The following MDM2 variants were observed in gnomAD, a reference collection of about 807,000 sequenced individuals.
The protein encoded by MDM2 is MDM2 proto-oncogene.
In MDM2, 11 loss-of-function variants were observed where a neutral mutation model predicts 64.3. The observed-to-expected ratio is 0.17, with a 90% CI of 0.11 to 0.28. The LOEUF (loss-of-function observed/expected upper bound fraction) is 0.28, where lower values mean the gene tolerates loss of function less well. Ranked by LOEUF, MDM2 falls within the 10% of genes least tolerant of loss-of-function variation. MDM2 has a pLI of 1.00. For missense variants in MDM2, 388 were observed against 577.1 expected (o/e 0.67, Z 3.36); for synonymous variants, 194 against 192.9 (o/e 1.01, Z -0.05).
chr12:68,841,278 A>G lies in MDM2; in HGVS notation c.*1429A>G, dbSNP rs779823103. On this transcript the variant is annotated 3_prime_UTR_variant, in exon 11 of 11. Transcript: ENST00000258149. ...TTTTTTAGGTTTTCTTGATTTAACA[A>G]TAGAGACAGGGTCTCCCTGTGTTGC... 9.9e-6 allele frequency: 2 copies of G among 201,100 alleles called. No homozygotes were observed. Among genetic ancestry groups the G allele is most frequent in the Non-Finnish European group, 2.0e-5 (2 of 97,920 alleles). 12.5% of individuals were successfully genotyped at this position (201,100 alleles called of 1,614,324 possible).
intron 7 of MDM2, among the ~76,000 whole-genome samples, chr12:68,825,690 T>C (rs1882257347): frequency 6.6e-6 from 1 of 152,030 alleles, no homozygotes; most frequent in Non-Finnish European, 1.5e-5. Flanking sequence ...AGAGAGAAAA[T>C]AGTTGAGAAC....
chr12:68,836,474 T>G (rs935401266), intron 9 of MDM2, 198 bp from the exon 10 acceptor site: 1 of 467,912 alleles, frequency 2.1e-6, no homozygotes, highest in Admixed American at 3.7e-5. Context: ...ATCCTTTGTA[T>G]TGACTTTTAC....
chr12:68,816,975 A>G, intron 4 of MDM2, 30 bp downstream of exon 4: 11 of 1,605,646 alleles, frequency 6.9e-6, no homozygotes, highest in Non-Finnish European at 9.3e-6. Context: ...CATTGTAAAA[A>G]GCCATCTGGG....
At chr12:68,810,467 TATTA>T (rs1880776997) in intron 2 of MDM2, among the ~76,000 whole-genome samples, 2 of 151,358 alleles carry the variant, frequency 1.3e-5, no homozygotes, top group African/African-American at 4.9e-5. Flanking sequence ...TTATTATTAT[TATTA>T]TTTTTTTTGA....
intron 3 of MDM2, among the ~76,000 whole-genome samples, chr12:68,814,887 T>G (rs1205109287): frequency 1.3e-5 from 2 of 152,266 alleles, no homozygotes; most frequent in Non-Finnish European, 2.9e-5. Flanking sequence ...TTAAAACATT[T>G]AAGTTTCTTT....
chr12:68,829,111 G>A (rs1313656046), intron 8 of MDM2, among the ~76,000 whole-genome samples, 180 bp downstream of exon 8: 1 of 152,196 alleles, frequency 6.6e-6, no homozygotes. Context: ...CCAAGGTATT[G>A]TGAGAAATGT....
intron 8 of MDM2, among the ~76,000 whole-genome samples, chr12:68,831,601 AG>A (rs1487262533): frequency 6.6e-6 from 1 of 152,216 alleles, no homozygotes; most frequent in Non-Finnish European, 1.5e-5. Context: ...TTTAAGAGCC[AG>A]GGCTTTTATG....
At chr12:68,846,744 C>CT (rs1430607296), downstream of MDM2, 4 of 152,084 alleles carry the variant, frequency 2.6e-5, no homozygotes, top group South Asian at 4.2e-4. Flanking sequence ...CTTTTCAAAC[C>CT]TTTTTTGCTT....
chr12:68,815,257 A>G (rs1405918341), intron 3 of MDM2, among the ~76,000 whole-genome samples: 1 of 152,198 alleles, frequency 6.6e-6, no homozygotes, highest in African/African-American at 2.4e-5. Context: ...CAAGGCCATC[A>G]TAAAGACTTA....
rs1555187768 is a variant in MDM2 at position 68,833,149 on chromosome 12, A to AAAT, written c.685-2679_685-2678insATA. 1.6e-3 allele frequency among the ~76,000 whole-genome samples: 107 copies of AAAT among 65,938 alleles called. 1 individual carries two copies. Among genetic ancestry groups the AAAT allele is most frequent in the South Asian group, 3.4e-3 (6 of 1,746 alleles). The allele number at this position is 65,938 out of a possible 152,430, so 43.3% of individuals were successfully genotyped here. A position where few individuals can be genotyped will look rare whatever the true frequency, so the allele number is the denominator to read the frequency against. On this transcript the variant is annotated intron_variant, in intron 8 of 10. Transcript: ENST00000258149. ...TCCAAAAAAAAAAAAAAAAAAAAAA[A>AAAT]ATATATATATATATATATTTATATT...
At chr12:68,824,676 C>G in intron 7 of MDM2, 25 bp downstream of exon 7, 3 of 1,369,192 alleles carry the variant, frequency 2.2e-6, no homozygotes, top group South Asian at 1.2e-5. Context: ...TTATTTGACG[C>G]ATTCACACAG....
chr12:68,831,848 A>T (rs1472735948), intron 8 of MDM2, among the ~76,000 whole-genome samples: 1 of 152,134 alleles, frequency 6.6e-6, no homozygotes, highest in Non-Finnish European at 1.5e-5. Flanking sequence ...CGGGCGGATC[A>T]CCTGAGGTCA....
Position 68,810,319 on chromosome 12 carries a change from AAAAAG to A in MDM2, c.99+1037_99+1041del, listed in dbSNP as rs1327376228. On this transcript the variant is annotated intron_variant, in intron 2 of 10. Coordinates refer to ENST00000258149, the MANE Select transcript of MDM2 (RefSeq NM_002392.6). ...GAGCGAAACTCCGTCTAAAAAAAAA[AAAAAG>A]AAAAGAAAAAGATTTTAGAGAATTA... 2.2e-3 allele frequency among the ~76,000 whole-genome samples: 337 copies of A among 152,026 alleles called. 1 individual carries two copies. The highest frequency in any genetic ancestry group is 7.6e-3 in the African/African-American group (316 of 41,502).
Position 68,836,695 on chromosome 12 carries a change from G to C in MDM2, c.864G>C (p.Gln288His), listed in dbSNP as rs373451300. Residue 288 changes from glutamine to histidine, a missense_variant, in exon 10 of 11, where the codon CAG becomes CAC. This residue lies in a region of MDM2 where 168 missense variants were observed against 236.6 expected (regional missense o/e 0.71). Transcript: ENST00000258149. The stretch of plus-strand genomic sequence containing the variant: ...AGGTATATCAAGTTACTGTGTATCA[G>C]GCAGGGGAGAGTGATACAGATTCAT... ...DDEVYQVTVY[Q>H]AGESDTDSFE... 3 of 1,611,762 alleles carry C rather than the reference G, an allele frequency of 1.9e-6. No homozygotes were observed. The African/African-American group carries it at 4.0e-5, about 22-fold the overall frequency.
chr12:68,817,703 C>A (rs965052623), intron 4 of MDM2, among the ~76,000 whole-genome samples: 67 of 151,844 alleles, frequency 4.4e-4, no homozygotes, highest in African/African-American at 1.5e-3. Context: ...TGAGGTGAGC[C>A]GAGATTGCGC....
intron 8 of MDM2, among the ~76,000 whole-genome samples, chr12:68,831,178 C>T (rs1414086844): frequency 3.3e-5 from 5 of 152,002 alleles, no homozygotes; most frequent in East Asian, 1.9e-4. Context: ...CACGGACACA[C>T]GTGGAGTGGT....
chr12:68,812,927 A>G (rs1392801536), intron 2 of MDM2, among the ~76,000 whole-genome samples: 2 of 152,190 alleles, frequency 1.3e-5, no homozygotes, highest in South Asian at 2.1e-4. Flanking sequence ...CTCCTTGCAT[A>G]CAGGTCATAT....
intron 3 of MDM2, 89 bp from the exon 4 acceptor site, chr12:68,816,723 C>T (rs2136121118): frequency 9.0e-7 from 1 of 1,106,336 alleles, no homozygotes; most frequent in Non-Finnish European, 1.3e-6. Context: ...GGTTGTTTAC[C>T]CCTATTCAGA....
downstream of MDM2, chr12:68,848,729 G>C (rs1884497871): frequency 6.6e-6 from 1 of 151,780 alleles, no homozygotes; most frequent in Non-Finnish European, 1.5e-5. Flanking sequence ...GTTTTTTTGG[G>C]GGGGACGAAG....
Sources: gnomAD v4.1 joint callset for allele counts (sites outside exome capture counted in the v4.1 genomes callset) on GRCh38, gnomAD v4.1.1 for gene constraint, gnomAD v4.1.1 regional missense constraint, MANE v1.5 for transcripts, NCBI Gene and HGNC (gene_info 2026-07-23, HGNC 2026-07-21) for gene names.